DKK2: variants seen among roughly 807,000 people sequenced by gnomAD.
The protein encoded by DKK2 is dickkopf Wnt signaling pathway inhibitor 2.
In DKK2, 11 loss-of-function variants were observed where a neutral mutation model predicts 28.1. The ratio of observed to expected loss-of-function variants is 0.39; its 90% CI spans 0.25 to 0.65. DKK2 has a LOEUF of 0.65. Ranked by LOEUF, DKK2 falls within the 30% of genes least tolerant of loss-of-function variation. The probability of loss-of-function intolerance (pLI) is 0.47; values close to 1 mark genes in which losing one functional copy is unlikely to be tolerated. For missense variants in DKK2, 326 were observed against 335.5 expected, an observed-to-expected ratio of 0.97 and a Z score of 0.22; for synonymous variants, 135 against 126.5, an observed-to-expected ratio of 1.07 and a Z score of -0.45.
At chr4:106,935,801 T>C (rs539193096) in intron 1 of DKK2, among the ~76,000 whole-genome samples, 3,546 of 152,050 alleles carry the variant, frequency 0.023, 58 homozygotes, top group Non-Finnish European at 0.035. Context: ...CAAGTGGGTC[T>C]CTGAACCCTG....
chr4:106,964,960 T>TAGAGATAGATAG (rs1553922185), intron 1 of DKK2, among the ~76,000 whole-genome samples: 1 of 146,342 alleles, frequency 6.8e-6, no homozygotes, highest in East Asian at 2.0e-4. Flanking sequence ...GATAGATAGA[T>TAGAGATAGATAG]ATAGATAGAT....
chr4:106,958,228 T>C (rs747812357), intron 1 of DKK2, among the ~76,000 whole-genome samples: 4 of 151,538 alleles, frequency 2.6e-5, no homozygotes, highest in Non-Finnish European at 5.9e-5. Context: ...AAAAAAGCTA[T>C]CCCAAACTCA....
At position 106,957,012 on chromosome 4, in the gene DKK2, G is replaced by A. The variant is rs530010720; in HGVS notation, c.223-31063C>T. On this transcript the variant is annotated intron_variant, in intron 1 of 3. Coordinates refer to ENST00000285311, the MANE Select transcript of DKK2 (RefSeq NM_014421.3). Reference sequence around the variant, plus strand: ...TTTCCCAACCTACTCACCTGACAAAGGGCTAATATCCAGAATCTACAATGA... The same window carrying A: ...TTTCCCAACCTACTCACCTGACAAAAGGCTAATATCCAGAATCTACAATGA... Among the ~76,000 whole-genome samples the A allele has an allele frequency of 9.2e-5, 14 of 151,802 alleles. No homozygotes were observed. In the South Asian group the frequency reaches 2.1e-3, roughly 23 times the overall value.
chr4:107,005,792 T>C (rs1261761088), intron 1 of DKK2, among the ~76,000 whole-genome samples: 10 of 152,226 alleles, frequency 6.6e-5, no homozygotes. Context: ...TAAACTATAT[T>C]ATGACCATAC....
intron 1 of DKK2, among the ~76,000 whole-genome samples, chr4:106,947,996 C>T (rs528043893): frequency 6.6e-6 from 1 of 152,092 alleles, no homozygotes; most frequent in African/African-American, 2.4e-5. Context: ...TTTGTACATT[C>T]ACAATGTCAT....
At chr4:106,982,972 G>A (rs74658372) in intron 1 of DKK2, among the ~76,000 whole-genome samples, 1 of 135,882 alleles carries the variant, frequency 7.4e-6, no homozygotes, top group African/African-American at 2.7e-5. Context: ...AAGAAAGAAA[G>A]AAAGAGAAAG....
At chr4:106,987,047 A>G (rs1723129703) in intron 1 of DKK2, among the ~76,000 whole-genome samples, 1 of 152,242 alleles carries the variant, frequency 6.6e-6, no homozygotes, top group African/African-American at 2.4e-5. Flanking sequence ...CAGATTTTTT[A>G]ATTAAATAAT....
intron 1 of DKK2, among the ~76,000 whole-genome samples, chr4:106,997,860 C>T (rs1017299010): frequency 7.9e-5 from 12 of 152,062 alleles, no homozygotes; most frequent in Admixed American, 6.6e-4. Flanking sequence ...CTTTTATTGC[C>T]CACCAAATTA....
intron 1 of DKK2, among the ~76,000 whole-genome samples, chr4:107,009,265 C>T (rs1207651959): frequency 6.6e-6 from 1 of 151,808 alleles, no homozygotes; most frequent in Non-Finnish European, 1.5e-5. Flanking sequence ...TTTCTGAATG[C>T]TCATTTTGTA....
intron 1 of DKK2, among the ~76,000 whole-genome samples, chr4:106,955,096 A>G (rs1255925817): frequency 6.6e-6 from 1 of 152,202 alleles, no homozygotes; most frequent in Non-Finnish European, 1.5e-5. Flanking sequence ...TAAATCAAGT[A>G]ATAATGAACA....
intron 1 of DKK2, among the ~76,000 whole-genome samples, chr4:106,999,359 CT>C (rs1182537213): frequency 6.6e-6 from 1 of 151,738 alleles, no homozygotes; most frequent in Non-Finnish European, 1.5e-5. Context: ...ATCTTTTTTT[CT>C]TTTTTTGAGA....
chr4:106,994,146 T>A (rs1319969465), intron 1 of DKK2, among the ~76,000 whole-genome samples: 1 of 152,196 alleles, frequency 6.6e-6, no homozygotes, highest in African/African-American at 2.4e-5. Context: ...CTCTCCACTA[T>A]TAAGTTCACA....
chr4:106,949,799 T>A (rs888366683), intron 1 of DKK2, among the ~76,000 whole-genome samples: 9 of 152,202 alleles, frequency 5.9e-5, no homozygotes, highest in Non-Finnish European at 1.3e-4. Context: ...TTCTTTTGCA[T>A]CACAGAAATA....
intron 1 of DKK2, among the ~76,000 whole-genome samples, chr4:107,016,431 G>C (rs961505736): frequency 1.3e-5 from 2 of 151,788 alleles, no homozygotes; most frequent in African/African-American, 4.8e-5. Flanking sequence ...TCTAAATGTA[G>C]ACAGAGAAAA....
intron 1 of DKK2, among the ~76,000 whole-genome samples, chr4:106,999,641 G>A (rs572599526): frequency 5.9e-5 from 9 of 152,054 alleles, no homozygotes; most frequent in African/African-American, 9.7e-5. Context: ...CACCGTGCCC[G>A]GCCCTGTATC....
intron 1 of DKK2, among the ~76,000 whole-genome samples, chr4:106,933,206 G>A (rs945317317): frequency 2.0e-5 from 3 of 152,178 alleles, no homozygotes; most frequent in African/African-American, 7.2e-5. Flanking sequence ...ATATAGAACT[G>A]TTGCAAGATT....
chr4:106,961,770 C>T (rs377635480), intron 1 of DKK2, among the ~76,000 whole-genome samples: 2 of 152,146 alleles, frequency 1.3e-5, no homozygotes, highest in South Asian at 4.1e-4. Flanking sequence ...CCTTCCTCCA[C>T]CACTTCAAAA....
chr4:106,958,146 G>T (rs1722628538), intron 1 of DKK2, among the ~76,000 whole-genome samples: 2 of 150,196 alleles, frequency 1.3e-5, no homozygotes, highest in Non-Finnish European at 3.0e-5. Flanking sequence ...TATATATATA[G>T]ATTATATTAC....
chr4:106,944,612 C>T (rs1325546177), intron 1 of DKK2, among the ~76,000 whole-genome samples: 1 of 152,036 alleles, frequency 6.6e-6, no homozygotes, highest in Non-Finnish European at 1.5e-5. Flanking sequence ...AATCCTGTTA[C>T]CTGGACAAAG....
Sources: gnomAD v4.1 joint callset for allele counts (sites outside exome capture counted in the v4.1 genomes callset) on GRCh38, gnomAD v4.1.1 for gene constraint, MANE v1.5 for transcripts, NCBI Gene and HGNC (gene_info 2026-07-23, HGNC 2026-07-21) for gene names.